MCM6: variants seen among roughly 807,000 people sequenced by gnomAD.
MCM6 encodes the protein minichromosome maintenance complex component 6, also known as DNA replication licensing factor MCM6.
In MCM6, 46 loss-of-function variants were observed where a neutral mutation model predicts 94.3. The observed-to-expected ratio is 0.49, with a 90% CI of 0.39 to 0.62. MCM6 has a LOEUF of 0.62. MCM6 is among the 20% of genes least tolerant of loss of function. The pLI is 0.00. For missense variants in MCM6, 865 were observed against 1,017.9 expected, an observed-to-expected ratio of 0.85 and a Z score of 2.04; for synonymous variants, 335 against 351.9, an observed-to-expected ratio of 0.95 and a Z score of 0.54.
intron 2 of MCM6, among the ~76,000 whole-genome samples, chr2:135,871,028 C>T (rs988882210): frequency 4.1e-4 from 62 of 152,272 alleles, no homozygotes; most frequent in African/African-American, 1.4e-3. Flanking sequence ...GTTAGGATTA[C>T]AGGTGTGAGC....
chr2:135,859,303 T>G lies in MCM6; in HGVS notation c.1360A>C (p.Asn454His). Residue 454 changes from asparagine to histidine, a missense_variant and splice_region_variant, in exon 9 of 17, where the codon AAT (asparagine) becomes CAT (histidine). Asn to His is a moderately conservative substitution (Grantham distance 68). This residue lies in a region of MCM6 where 153 missense variants were observed against 241.5 expected (regional missense o/e 0.63). Transcript: ENST00000264156. Reference sequence around the variant, plus strand: ...TGAAGAGTGTAAAATGTTCTTACATTATCAGCCAACATCAAAGCTCCAGCC... The same window carrying G: ...TGAAGAGTGTAAAATGTTCTTACATGATCAGCCAACATCAAAGCTCCAGCC... The part of the protein sequence containing the change: ...IEAGALMLAD[N>H]GVCCIDEFDK... 1 of 1,612,636 alleles carries G rather than the reference T, an allele frequency of 6.2e-7. No homozygotes were observed. Among genetic ancestry groups the G allele is most frequent in the Non-Finnish European group, 8.5e-7 (1 of 1,179,104 alleles).
At position 135,868,142 on chromosome 2, in the gene MCM6, A is replaced by T. The variant is rs548548499; in HGVS notation, c.615+469T>A. 2.0e-4 allele frequency among the ~76,000 whole-genome samples: 31 copies of T among 152,306 alleles called. No homozygotes were observed. In the East Asian group the frequency reaches 5.8e-3, roughly 28 times the overall value. On this transcript the variant is annotated intron_variant, in intron 4 of 16. Coordinates refer to ENST00000264156, the MANE Select transcript of MCM6 (RefSeq NM_005915.6). ...AAACTCCTCAGCCTAAGATTTAGGG[A>T]TCCAAGTACCTCCAGGTCTCACATC... is the stretch of plus-strand genomic sequence containing the variant.
At chr2:135,849,287 C>G (rs749967049) in intron 13 of MCM6, among the ~76,000 whole-genome samples, 11 of 152,110 alleles carry the variant, frequency 7.2e-5, no homozygotes, top group African/African-American at 2.7e-4. Flanking sequence ...ATCATGAAAG[C>G]GTATGTCAAG....
chr2:135,874,090 CAG>C (rs748255947), intron 1 of MCM6, among the ~76,000 whole-genome samples: 5 of 152,182 alleles, frequency 3.3e-5, no homozygotes, highest in African/African-American at 4.8e-5. Flanking sequence ...TATTTTGTGA[CAG>C]GGAGTTGGCA....
chr2:135,861,757 CA>C (rs1679996462), intron 8 of MCM6, among the ~76,000 whole-genome samples: 1 of 152,164 alleles, frequency 6.6e-6, no homozygotes. Flanking sequence ...GGACTGTATA[CA>C]GGCGCCCGCC....
intron 6 of MCM6, among the ~76,000 whole-genome samples, chr2:135,865,808 T>C (rs575185813): frequency 6.6e-6 from 1 of 152,286 alleles, no homozygotes; most frequent in African/African-American, 2.4e-5. Context: ...CTCTCAACAT[T>C]GATGAGACAG....
At chr2:135,848,659 G>T (rs4988253) in intron 13 of MCM6, among the ~76,000 whole-genome samples, 1 of 152,118 alleles carries the variant, frequency 6.6e-6, no homozygotes, top group African/African-American at 2.4e-5. Context: ...AGAGGCAGGC[G>T]GATCACCTGA....
intron 8 of MCM6, among the ~76,000 whole-genome samples, chr2:135,861,498 G>A (rs1679992027): frequency 1.3e-5 from 2 of 152,152 alleles, no homozygotes; most frequent in Admixed American, 6.5e-5. Context: ...TTAAAAGTTT[G>A]AAAGTAATCA....
At chr2:135,849,905 C>T (rs1274174712) in intron 13 of MCM6, among the ~76,000 whole-genome samples, 1 of 151,862 alleles carries the variant, frequency 6.6e-6, no homozygotes, top group African/African-American at 2.4e-5. Context: ...ACAGAAATAG[C>T]TCTTAAATAT....
At position 135,857,930 on chromosome 2, in the gene MCM6, C is replaced by T. The variant is rs2105582312; in HGVS notation, c.1437G>A (p.Gln479=). 6.2e-7 allele frequency: 1 copy of T among 1,614,018 alleles called. No homozygotes were observed. Among genetic ancestry groups the T allele is most frequent in the Non-Finnish European group, 8.5e-7 (1 of 1,180,028 alleles). ...DQVAIHEAME[Q]QTISITKAGV... is the part of the protein sequence containing the mutation. ...CTGCTTTAGTGATGGATATGGTCTG[C>T]TGTTCCATAGCTTCATGAATAGCAA... Residue 479 remains glutamine (Q), a synonymous_variant, in exon 10 of 17, where the codon CAG becomes CAA. Transcript: ENST00000264156.
At chr2:135,870,178 T>C in intron 3 of MCM6, 73 bp downstream of exon 3, 1 of 1,132,878 alleles carries the variant, frequency 8.8e-7, no homozygotes, top group Non-Finnish European at 1.3e-6. Flanking sequence ...ACCTCTCAAG[T>C]TTTCTGACTG....
At chr2:135,863,375 A>C (rs1302700900) in intron 7 of MCM6, among the ~76,000 whole-genome samples, 2 of 152,224 alleles carry the variant, frequency 1.3e-5, no homozygotes, top group Admixed American at 1.3e-4. Flanking sequence ...GAACTCCATC[A>C]ACAAAGTGCT....
chr2:135,844,774 T>A, intron 15 of MCM6, 90 bp from the exon 16 acceptor site: 4 of 1,310,064 alleles, frequency 3.1e-6, no homozygotes, highest in Non-Finnish European at 3.0e-6. Context: ...CGAGATAATG[T>A]ACAGATTAGA....
intron 16 of MCM6, among the ~76,000 whole-genome samples, chr2:135,842,625 T>A (rs1221442210): frequency 1.3e-5 from 2 of 152,096 alleles, no homozygotes; most frequent in African/African-American, 4.8e-5. Flanking sequence ...CAAGGCAGGG[T>A]GACAGCAAGA....
Position 135,852,849 on chromosome 2 carries a change from G to T in MCM6, c.1693C>A (p.Arg565Ser), listed in dbSNP as rs1000894362. Residue 565 changes from arginine (R) to serine (S), a missense_variant, in exon 12 of 17, where the codon CGT (arginine) becomes AGT (serine). By Grantham distance (110) the Arg-to-Ser change is moderately radical. This residue lies in a region of MCM6 where 308 missense variants were observed against 324.5 expected (regional missense o/e 0.95). Transcript: ENST00000264156. ...LHSRIEESID[R>S]VYSLDDIRRY... The stretch of plus-strand genomic sequence containing the variant: ...CTGATATCATCGAGGGAATAGACAC[G>T]ATCAATTGATTCCTCAATTCTTGAA... 3.7e-6 allele frequency: 6 copies of T among 1,609,064 alleles called. No homozygotes were observed. The highest frequency in any genetic ancestry group is 5.1e-6 in the Non-Finnish European group (6 of 1,176,626).
At chr2:135,847,864 G>A (rs566568626) in intron 14 of MCM6, among the ~76,000 whole-genome samples, 189 bp downstream of exon 14, 1 of 152,308 alleles carries the variant, frequency 6.6e-6, no homozygotes, top group Non-Finnish European at 1.5e-5. Flanking sequence ...GCCCAGCCAA[G>A]TATATATATT....
At chr2:135,864,009 G>T (rs1340716738) in intron 7 of MCM6, among the ~76,000 whole-genome samples, 1 of 152,088 alleles carries the variant, frequency 6.6e-6, no homozygotes, top group Admixed American at 6.5e-5. Context: ...TACTCGTGAG[G>T]CTGAGGCAGG....
At chr2:135,875,108 C>T (rs909634185) in intron 1 of MCM6, among the ~76,000 whole-genome samples, 12 of 152,242 alleles carry the variant, frequency 7.9e-5, no homozygotes, top group African/African-American at 2.6e-4. Context: ...CGGTGGCTCA[C>T]GCCTGTAATC....
chr2:135,861,766 G>A (rs1182410090), intron 8 of MCM6, among the ~76,000 whole-genome samples: 3 of 152,144 alleles, frequency 2.0e-5, no homozygotes, highest in Non-Finnish European at 4.4e-5. Flanking sequence ...ACAGGCGCCC[G>A]CCACCACACC....
Sources: gnomAD v4.1 joint callset for allele counts (sites outside exome capture counted in the v4.1 genomes callset) on GRCh38, gnomAD v4.1.1 for gene constraint, gnomAD v4.1.1 regional missense constraint, MANE v1.5 for transcripts, NCBI Gene and HGNC (gene_info 2026-07-23, HGNC 2026-07-21) for gene names.